Variants in RBMS3 observed in about 807,000 individuals in gnomAD.
RBMS3 encodes RNA-binding motif, single-stranded-interacting protein 3.
RBMS3 carries 27 observed loss-of-function variants against 66.8 expected under a neutral mutation model. The ratio of observed to expected loss-of-function variants is 0.40; its 90% CI spans 0.30 to 0.56. The LOEUF is 0.56. Ranked by LOEUF, RBMS3 falls within the 20% of genes least tolerant of loss-of-function variation. The pLI is 0.40. For missense variants in RBMS3, 513 were observed against 549.5 expected (o/e 0.93, Z 0.66); for synonymous variants, 188 against 183.0 (o/e 1.03, Z -0.22).
At chr3:29,606,538 C>G (rs2048325605) in intron 4 of RBMS3, among the ~76,000 whole-genome samples, 1 of 151,954 alleles carries the variant, frequency 6.6e-6, no homozygotes. Flanking sequence ...TTCTCAGACT[C>G]TCTTTGTATA....
chr3:29,592,860 G>A (rs950841718), intron 4 of RBMS3, among the ~76,000 whole-genome samples: 37 of 152,008 alleles, frequency 2.4e-4, no homozygotes, highest in African/African-American at 4.3e-4. Flanking sequence ...CCTTTGTAGG[G>A]ACATGGATGA....
chr3:29,826,862 A>G (rs1435900311), intron 6 of RBMS3, among the ~76,000 whole-genome samples: 1 of 152,180 alleles, frequency 6.6e-6, no homozygotes, highest in Non-Finnish European at 1.5e-5. Context: ...AATAGTCACA[A>G]GAATTAGAAG....
intron 1 of RBMS3, among the ~76,000 whole-genome samples, chr3:29,395,871 A>T (rs1022546413): frequency 2.6e-5 from 4 of 152,208 alleles, no homozygotes; most frequent in African/African-American, 9.7e-5. Context: ...GAAACATATA[A>T]TAGGGTAAAT....
At chr3:29,521,117 T>G (rs1396526732) in intron 3 of RBMS3, among the ~76,000 whole-genome samples, 1 of 152,108 alleles carries the variant, frequency 6.6e-6, no homozygotes, top group African/African-American at 2.4e-5. Flanking sequence ...ACATCCTATT[T>G]TATCCCACCC....
At chr3:29,738,605 T>A (rs1331250420) in intron 4 of RBMS3, among the ~76,000 whole-genome samples, 1 of 152,240 alleles carries the variant, frequency 6.6e-6, no homozygotes, top group Non-Finnish European at 1.5e-5. Flanking sequence ...TAATCTTATT[T>A]GTATATAAAT....
intron 2 of RBMS3, among the ~76,000 whole-genome samples, chr3:29,466,854 A>C (rs1001168809): frequency 6.6e-6 from 1 of 152,006 alleles, no homozygotes; most frequent in Non-Finnish European, 1.5e-5. Flanking sequence ...ATGCAGTTTG[A>C]ATGTCTGCTT....
chr3:29,574,532 T>A (rs1035686124), intron 3 of RBMS3, among the ~76,000 whole-genome samples: 1 of 152,142 alleles, frequency 6.6e-6, no homozygotes, highest in African/African-American at 2.4e-5. Flanking sequence ...TCTATGTCTT[T>A]TGATTAGAGA....
intron 3 of RBMS3, among the ~76,000 whole-genome samples, chr3:29,489,238 C>T (rs919799634): frequency 6.6e-6 from 1 of 152,092 alleles, no homozygotes; most frequent in Non-Finnish European, 1.5e-5. Context: ...AGCACAGCCA[C>T]GTTCATTCTA....
At chr3:29,326,415 C>G (rs1378553261) in intron 1 of RBMS3, among the ~76,000 whole-genome samples, 1 of 152,144 alleles carries the variant, frequency 6.6e-6, no homozygotes, top group Non-Finnish European at 1.5e-5. Flanking sequence ...CCTCTTATTA[C>G]CATTTAAAGG....
chr3:29,362,998 A>G (rs2037690240), intron 1 of RBMS3, among the ~76,000 whole-genome samples: 1 of 152,130 alleles, frequency 6.6e-6, no homozygotes, highest in Non-Finnish European at 1.5e-5. Context: ...TTGAGTAGAA[A>G]TTTTGCCCCT....
chr3:29,616,851 T>C (rs181576803), intron 4 of RBMS3: 2 of 152,334 alleles, frequency 1.3e-5, no homozygotes, highest in Admixed American at 1.3e-4. Context: ...ATGTTTATGA[T>C]TTAAAATGTT....
At chr3:29,657,900 G>A (rs1247693837) in intron 4 of RBMS3, among the ~76,000 whole-genome samples, 2 of 152,102 alleles carry the variant, frequency 1.3e-5, no homozygotes, top group Non-Finnish European at 2.9e-5. Context: ...AAAAGCATAG[G>A]TTTATTTAAC....
At chr3:29,483,700 C>T (rs1282435716) in intron 2 of RBMS3, among the ~76,000 whole-genome samples, 1 of 152,116 alleles carries the variant, frequency 6.6e-6, no homozygotes, top group East Asian at 1.9e-4. Flanking sequence ...AATACACTGA[C>T]GTGAAAAAAG....
chr3:29,897,313 A>G, intron 8 of RBMS3, 66 bp from the exon 9 acceptor site: 1 of 1,388,754 alleles, frequency 7.2e-7, no homozygotes, highest in Non-Finnish European at 1.0e-6. Flanking sequence ...GGTACTTGAT[A>G]GCATTTGATT....
At chr3:29,968,981 C>T (rs1419350301) in intron 12 of RBMS3, among the ~76,000 whole-genome samples, 1 of 152,130 alleles carries the variant, frequency 6.6e-6, no homozygotes, top group African/African-American at 2.4e-5. Context: ...ATATAGCTGT[C>T]CTAAGAGATC....
intron 4 of RBMS3, among the ~76,000 whole-genome samples, chr3:29,691,947 C>CTTTTTTTTTTTTTTTTTT (rs1218393454): frequency 9.3e-5 from 5 of 53,540 alleles, no homozygotes; most frequent in African/African-American, 3.7e-4. Context: ...CTCTCTCTCT[C>CTTTTTTTTTTTTTTTTTT]TATTTTTTTT....
chr3:29,415,839 G>T (rs996774981), intron 1 of RBMS3, among the ~76,000 whole-genome samples: 1 of 152,036 alleles, frequency 6.6e-6, no homozygotes, highest in African/African-American at 2.4e-5. Context: ...TGTGGAAAAT[G>T]ATTGCTGAGT....
chr3:29,744,758 C>T (rs573051791), intron 5 of RBMS3, among the ~76,000 whole-genome samples: 4 of 148,360 alleles, frequency 2.7e-5, no homozygotes, highest in South Asian at 2.2e-4. Context: ...CACTCCAGCC[C>T]GCACGATAGT....
intron 4 of RBMS3, among the ~76,000 whole-genome samples, chr3:29,609,275 T>A (rs1023137311): frequency 6.6e-6 from 1 of 151,988 alleles, no homozygotes; most frequent in African/African-American, 2.4e-5. Flanking sequence ...AGACTGTTGA[T>A]CCATATGTAG....
Sources: allele counts gnomAD v4.1 joint callset (sites outside exome capture counted in the v4.1 genomes callset), GRCh38; gene constraint gnomAD v4.1.1; transcripts MANE v1.5; gene names NCBI Gene and HGNC (gene_info 2026-07-23, HGNC 2026-07-21).